Variants in MUC5B observed in about 807,000 individuals in gnomAD.
The protein encoded by MUC5B is mucin-5B.
In MUC5B, 116 loss-of-function variants were observed where a neutral mutation model predicts 376.9. The ratio of observed to expected loss-of-function variants is 0.31; its 90% confidence interval spans 0.26 to 0.36. The LOEUF is 0.36. Among genes scored for constraint, MUC5B ranks in the 10% least tolerant of loss-of-function variants. MUC5B has a pLI of 1.00. For missense variants in MUC5B, 7,165 were observed against 7,769.9 expected, an observed-to-expected ratio of 0.92 and a Z score of 2.93; for synonymous variants, 3,517 against 3,390.9, an observed-to-expected ratio of 1.04 and a Z score of -1.29.
chr11:1,246,632 G>T lies in MUC5B; in HGVS notation c.9752G>T (p.Arg3251Leu). The T allele has an allele frequency of 6.2e-7, 1 of 1,610,958 alleles. No individual in the cohort carries two copies. The highest frequency in any genetic ancestry group is 1.1e-5 in the South Asian group (1 of 90,928). ...TCCTCCCTGGGCACCGCCTGGACCC[G>T]CCTATCACAGACCACCACACCCACG... is the stretch of plus-strand genomic sequence containing the variant. ...PSSSLGTAWT[R>L]LSQTTTPTAT... The change falls in exon 31 of 49, where the codon CGC becomes CTC. Residue 3251 changes from arginine to leucine, a missense_variant. Around this residue, in one of 31 missense-constraint regions of MUC5B, gnomAD observed 939 missense variants for 770.6 expected, o/e 1.22. Transcript: ENST00000529681.
rs1426066771 is a variant in MUC5B at position 1,241,733 on chromosome 11, C to T, written c.4853C>T (p.Thr1618Met). 1.9e-5 allele frequency: 30 copies of T among 1,612,020 alleles called. No homozygotes were observed. The highest frequency in any genetic ancestry group is 2.4e-5 in the Non-Finnish European group (28 of 1,179,552). ...TTPPPTTELE[T>M]ATTTTTQALF... ...CCGCCACCGACCACAGAGCTGGAGACGGCCACCACCACCACCACCCAGGCC... is the reference window on the plus strand; with the variant it reads ...CCGCCACCGACCACAGAGCTGGAGATGGCCACCACCACCACCACCCAGGCC... Residue 1618 changes from threonine to methionine, a missense_variant, in exon 31 of 49, where the codon ACG becomes ATG. Thr to Met is a moderately conservative substitution (Grantham distance 81). This residue lies in a region of MUC5B where 897 missense variants were observed against 779.6 expected (regional missense o/e 1.15). Coordinates refer to ENST00000529681, the MANE Select transcript of MUC5B (RefSeq NM_002458.3).
At chr11:1,236,346 C>T (rs1451973375) in intron 23 of MUC5B, 40 bp from the exon 24 acceptor site, 2 of 1,574,506 alleles carry the variant, frequency 1.3e-6, no homozygotes, top group African/African-American at 1.3e-5. Flanking sequence ...TCCCTGGGGG[C>T]CACAGGGTCG....
rs1409814177 is a variant in MUC5B, at chr11:1,228,719, C to A, written c.930C>A (p.Ala310=). The part of the protein sequence containing the change: ...ATFVEYSRQC[A]HAGGQPRNWR... Reference sequence around the variant, plus strand: ...TTGTGGAATACTCACGCCAGTGCGCCCACGCGGGGGGCCAGCCGCGGAACT... The same window carrying A: ...TTGTGGAATACTCACGCCAGTGCGCACACGCGGGGGGCCAGCCGCGGAACT... The change falls in exon 8 of 49, where the codon GCC becomes GCA. Residue 310 remains alanine (A), a synonymous_variant. Coordinates refer to ENST00000529681, the MANE Select transcript of MUC5B (RefSeq NM_002458.3). 1 of 1,526,958 alleles carries A rather than the reference C, an allele frequency of 6.5e-7. No individual in the cohort carries two copies. The highest frequency in any genetic ancestry group is 2.5e-5 in the East Asian group (1 of 40,646). The allele number at this position is 1,526,958 out of a possible 1,614,324, so 94.6% of individuals were successfully genotyped here.
chr11:1,230,172 AC>A, intron 11 of MUC5B, 29 bp downstream of exon 11: 1 of 1,565,174 alleles, frequency 6.4e-7, no homozygotes. Flanking sequence ...GTCTTCAGAC[AC>A]CCAGACCCTC....
At position 1,229,784 on chromosome 11, in the gene MUC5B, C is replaced by A; in HGVS notation, c.1197C>A (p.Ser399=). The A allele has an allele frequency of 6.2e-7, 1 of 1,601,554 alleles. No individual in the cohort carries two copies. The highest frequency in any genetic ancestry group is 2.3e-5 in the East Asian group (1 of 44,164). ...HGGRTYSPGT[S]FNTTCSSCTC... ...GCCGCACCTACAGCCCGGGCACCTC[C>A]TTCAACACCACCTGCAGCTCCTGGT... The change falls in exon 10 of 49, where the codon TCC becomes TCA. Residue 399 remains serine, a synonymous_variant. Transcript: ENST00000529681.
chr11:1,241,905 G>C lies in MUC5B; in HGVS notation c.5025G>C (p.Thr1675=). ...TLGTATTGGP[T]TPAGSTEPTV... ...GTACAGCCACCACGGGAGGCCCCAC[G>C]ACGCCTGCAGGCTCCACAGAACCCA... The change falls in exon 31 of 49, where the codon ACG becomes ACC. Residue 1675 remains threonine (T), a synonymous_variant. Coordinates refer to ENST00000529681, the MANE Select transcript of MUC5B (RefSeq NM_002458.3). The C allele has an allele frequency of 6.2e-7, 1 of 1,610,532 alleles. No homozygotes were observed. Among genetic ancestry groups the C allele is most frequent in the Non-Finnish European group, 8.5e-7 (1 of 1,178,596 alleles).
rs1417645726 is a variant in MUC5B, at chr11:1,243,091, C to G, written c.6211C>G (p.Leu2071Val). 3 of 1,611,198 alleles carry G rather than the reference C, an allele frequency of 1.9e-6. No individual in the cohort carries two copies. In the East Asian group the frequency reaches 6.7e-5, roughly 36 times the overall value. Reference sequence around the variant, plus strand: ...CCCCTCCTCCAGCCCAGGGACGGCACTCACGCCTCCAGTGTGGATCAGCAC... The same window carrying G: ...CCCCTCCTCCAGCCCAGGGACGGCAGTCACGCCTCCAGTGTGGATCAGCAC... Reference protein sequence around the residue: ...ATPSSSPGTALTPPVWISTTT... With the variant: ...ATPSSSPGTAVTPPVWISTTT... The change falls in exon 31 of 49, where the codon CTC becomes GTC. Residue 2071 changes from leucine to valine, a missense_variant. Transcript: ENST00000529681.
intron 29 of MUC5B, 42 bp downstream of exon 29, chr11:1,240,130 G>A (rs1862244957): frequency 8.3e-6 from 13 of 1,568,662 alleles, no homozygotes; most frequent in African/African-American, 1.4e-5. Flanking sequence ...TGAAGGCTGG[G>A]GCCAGGGGCT....
chr11:1,231,804 C>T (rs1862035027), intron 14 of MUC5B, among the ~76,000 whole-genome samples, 192 bp from the exon 15 acceptor site: 1 of 152,220 alleles, frequency 6.6e-6, no homozygotes, highest in Non-Finnish European at 1.5e-5. Context: ...TGCACAGGGG[C>T]TGGCTTTGCA....
chr11:1,237,157 G>A lies in MUC5B; in HGVS notation c.3290G>A (p.Arg1097His), dbSNP rs202160055. ...ILHGPTFAACRSQVDSTKYYE... is the reference protein window; with the variant it reads ...ILHGPTFAACHSQVDSTKYYE... ...CACGGCCCCACCTTCGCCGCCTGCC[G>A]CTCCCAGGTGGGGCTCTGGTCTTGG... The change falls in exon 25 of 49, where the codon CGC becomes CAC. Residue 1097 changes from arginine (R) to histidine (H), a missense_variant. Transcript: ENST00000529681. The A allele has an allele frequency of 9.1e-6, 13 of 1,432,344 alleles. No homozygotes were observed. The highest frequency in any genetic ancestry group is 7.3e-5 in the African/African-American group (5 of 68,426). 88.7% of individuals were successfully genotyped at this position (1,432,344 alleles called of 1,614,324 possible).
At chr11:1,252,567 G>C in intron 32 of MUC5B, 43 bp downstream of exon 32, 2 of 1,473,688 alleles carry the variant, frequency 1.4e-6, no homozygotes, top group Non-Finnish European at 1.8e-6. Flanking sequence ...GCGTGCACAC[G>C]GTCTGGGTTG....
Position 1,249,268 on chromosome 11 carries a change from C to G in MUC5B, c.12388C>G (p.Pro4130Ala), listed in dbSNP as rs1862596658. The change falls in exon 31 of 49, where the codon CCC (proline) becomes GCC (alanine). Residue 4130 changes from proline to alanine, a missense_variant. This residue lies in a region of MUC5B where 47 missense variants were observed against 88.4 expected (regional missense o/e 0.53). Coordinates refer to ENST00000529681, the MANE Select transcript of MUC5B (RefSeq NM_002458.3). ...CACGGTGGTGACCACGGGCTGTGAG[C>G]CCCAGTGTGCCTGGTCAGAGTGGCT... is the stretch of plus-strand genomic sequence containing the variant. ...ITTVVTTGCEPQCAWSEWLDY... is the reference protein window; with the variant it reads ...ITTVVTTGCEAQCAWSEWLDY... The G allele has an allele frequency of 6.2e-7, 1 of 1,611,310 alleles. No homozygotes were observed. The highest frequency in any genetic ancestry group is 1.3e-5 in the African/African-American group (1 of 74,852).
rs915602595 is a variant in MUC5B, at chr11:1,256,759, G to A, written c.16225G>A (p.Val5409Met). ...ILFNAHMGIC[V>M]QACPCVGPDG... The stretch of plus-strand genomic sequence containing the variant: ...CTTCAACGCACACATGGGCATCTGC[G>A]TGCAGGCCTGCCGTAAGCTCCGCCA... Residue 5409 changes from valine to methionine, a missense_variant, in exon 39 of 49, where the codon GTG becomes ATG. By Grantham distance (21) the Val-to-Met change is conservative. Around this residue, in one of 31 missense-constraint regions of MUC5B, gnomAD observed 842 missense variants for 1,016.9 expected, o/e 0.83. Coordinates refer to ENST00000529681, the MANE Select transcript of MUC5B (RefSeq NM_002458.3). 2.9e-5 allele frequency: 45 copies of A among 1,534,372 alleles called. No homozygotes were observed. The highest frequency in any genetic ancestry group is 8.5e-5 in the Admixed American group (4 of 47,042).
rs746134335 is a variant in MUC5B, at chr11:1,256,114, C to T, written c.16067-42C>T. ...GGTGATTGGGGGCGGCCCTGGGCCC[C>T]CCCAACCCCTTGGCTTGTCTGACAC... On this transcript the variant is annotated intron_variant, in intron 37 of 48. Coordinates refer to ENST00000529681, the MANE Select transcript of MUC5B (RefSeq NM_002458.3). 2.5e-4 allele frequency: 175 copies of T among 713,214 alleles called. 1 individual carries two copies. The highest frequency in any genetic ancestry group is 1.9e-3 in the Admixed American group (95 of 49,744). 44.2% of individuals were successfully genotyped at this position (713,214 alleles called of 1,614,324 possible). A position where few individuals can be genotyped will look rare whatever the true frequency, so the allele number is the denominator to read the frequency against.
chr11:1,225,275 G>A (rs1590166574), intron 1 of MUC5B, among the ~76,000 whole-genome samples: 1 of 152,372 alleles, frequency 6.6e-6, no homozygotes, highest in East Asian at 1.9e-4. Context: ...TGTGTGGGAT[G>A]GGGCGAAATC....
At position 1,254,189 on chromosome 11, in the gene MUC5B, C is replaced by A; in HGVS notation, c.15315C>A (p.Ile5105=). 6.2e-7 allele frequency: 1 copy of A among 1,612,904 alleles called. No homozygotes were observed. The highest frequency in any genetic ancestry group is 2.2e-5 in the East Asian group (1 of 44,894). Residue 5105 remains isoleucine (I), a synonymous_variant, in exon 34 of 49, where the codon ATC becomes ATA. Transcript: ENST00000529681. ...GNCTYVLMRE[I]HARFGNLSLY... Reference sequence around the variant, plus strand: ...GCACCTATGTCCTCATGAGAGAGATCCATGCACGCTTTGGGAATCTCAGCC... The same window carrying A: ...GCACCTATGTCCTCATGAGAGAGATACATGCACGCTTTGGGAATCTCAGCC...
intron 26 of MUC5B, 187 bp from the exon 27 acceptor site, chr11:1,239,251 T>C: frequency 1.1e-6 from 1 of 918,248 alleles, no homozygotes; most frequent in Non-Finnish European, 1.6e-6. Flanking sequence ...GGGACAAGAG[T>C]TCCAAGGGCA....
Position 1,242,890 on chromosome 11 carries a change from A to G in MUC5B, c.6010A>G (p.Thr2004Ala). 6 of 1,613,344 alleles carry G rather than the reference A, an allele frequency of 3.7e-6. No homozygotes were observed. The highest frequency in any genetic ancestry group is 5.1e-6 in the Non-Finnish European group (6 of 1,179,686). Residue 2004 changes from threonine to alanine, a missense_variant, in exon 31 of 49, where the codon ACC becomes GCC. By Grantham distance (58) the Thr-to-Ala change is moderately conservative. Around this residue, in one of 31 missense-constraint regions of MUC5B, gnomAD observed 897 missense variants for 779.6 expected, o/e 1.15. Transcript: ENST00000529681. The stretch of plus-strand genomic sequence containing the variant: ...ATCACAGACCACCACACCCACGGCC[A>G]CCATGTCCACAGCCACACCCTCCTC... ...RLSQTTTPTA[T>A]MSTATPSSTP...
chr11:1,254,536 A>C (rs1862782644), intron 34 of MUC5B, among the ~76,000 whole-genome samples, 158 bp from the exon 35 acceptor site: 1 of 152,224 alleles, frequency 6.6e-6, no homozygotes, highest in Admixed American at 6.5e-5. Context: ...AAATGCAGCC[A>C]GCTGGAGACT....
Sources: allele counts gnomAD v4.1 joint callset (sites outside exome capture counted in the v4.1 genomes callset), GRCh38; gene constraint gnomAD v4.1.1; regional missense constraint gnomAD v4.1.1; transcripts MANE v1.5; gene names NCBI Gene and HGNC (gene_info 2026-07-23, HGNC 2026-07-21).